VPS53: variants seen among roughly 807,000 people sequenced by gnomAD.
VPS53 encodes VPS53 subunit of GARP complex.
A neutral mutation model predicts 107.0 loss-of-function variants in VPS53; 70 were observed. The observed-to-expected ratio is 0.65, with a 90% confidence interval of 0.54 to 0.80. The LOEUF is 0.80. Among genes scored for constraint, VPS53 ranks in the 30% least tolerant of loss-of-function variants. The probability of loss-of-function intolerance (pLI) is 0.00; values close to 1 mark genes in which losing one functional copy is unlikely to be tolerated. For synonymous variants in VPS53, 409 were observed against 393.3 expected, an observed-to-expected ratio of 1.04 and a Z score of -0.47; for missense variants, 917 against 1,049.4, an observed-to-expected ratio of 0.87 and a Z score of 1.74.
At chr17:572,112 G>A (rs1200592556) in intron 13 of VPS53, among the ~76,000 whole-genome samples, 15 of 148,024 alleles carry the variant, frequency 1.0e-4, no homozygotes, top group African/African-American at 2.3e-4. Flanking sequence ...GCCTCTTCCC[G>A]GCCGCCATCC....
chr17:687,911 T>C (rs1017094628), intron 4 of VPS53, among the ~76,000 whole-genome samples: 3 of 152,168 alleles, frequency 2.0e-5, no homozygotes, highest in Admixed American at 6.5e-5. Context: ...CTCAAGTTTT[T>C]TTCACTTTAC....
At chr17:685,643 C>T (rs1015043825) in intron 4 of VPS53, among the ~76,000 whole-genome samples, 11 of 152,056 alleles carry the variant, frequency 7.2e-5, no homozygotes, top group Admixed American at 3.9e-4. Context: ...TTTCAACTTA[C>T]GATGGGTTTA....
chr17:557,257 C>G (rs576588273), intron 15 of VPS53, among the ~76,000 whole-genome samples: 1 of 152,168 alleles, frequency 6.6e-6, no homozygotes, highest in Non-Finnish European at 1.5e-5. Flanking sequence ...CTGACTCCAG[C>G]CTCTGCCTCC....
In VPS53 at chr17:520,234, C is replaced by T. The variant is rs1410219957; in HGVS notation, c.2224-304G>A. 6.6e-6 allele frequency among the ~76,000 whole-genome samples: 1 copy of T among 152,140 alleles called. No individual in the cohort carries two copies. The highest frequency in any genetic ancestry group is 1.5e-5 in the Non-Finnish European group (1 of 68,018). On this transcript the variant is annotated intron_variant, in intron 20 of 21. Coordinates refer to ENST00000437048, the MANE Select transcript of VPS53 (RefSeq NM_001128159.3). The surrounding 1 kb of genome is among the most constrained non-coding windows in gnomAD (Gnocchi z 4.4). The stretch of plus-strand genomic sequence containing the variant: ...GCGCTGCTGTTTGAAGTATGGGTTT[C>T]CGGGGCCCTCCTCTAAAGACTCTAA...
chr17:607,305 T>A (rs773023035), intron 11 of VPS53, among the ~76,000 whole-genome samples: 1 of 152,142 alleles, frequency 6.6e-6, no homozygotes, highest in African/African-American at 2.4e-5. Flanking sequence ...AAAGGGCCCA[T>A]CAACTTTGCA....
chr17:627,147 C>T, intron 10 of VPS53, 27 bp downstream of exon 10: 2 of 1,601,202 alleles, frequency 1.2e-6, no homozygotes, highest in East Asian at 2.3e-5. Flanking sequence ...TGATTAACCA[C>T]AGAACCAGTA....
At chr17:634,737 A>G (rs200314728) in intron 7 of VPS53, among the ~76,000 whole-genome samples, 2 of 151,764 alleles carry the variant, frequency 1.3e-5, no homozygotes, top group East Asian at 3.9e-4. Context: ...ATCCTTTTTT[A>G]TGGCTGCATA....
In VPS53 at chr17:512,559, G is replaced by A. The variant is rs544363442; in HGVS notation, c.*6569C>T. 2 of 152,354 alleles carry A rather than the reference G, an allele frequency of 1.3e-5. No homozygotes were observed. The highest frequency in any genetic ancestry group is 3.9e-4 in the East Asian group (2 of 5,186). The allele number at this position is 152,354 out of a possible 1,614,324, so 9.4% of individuals were successfully genotyped here. A position where few individuals can be genotyped will look rare whatever the true frequency, so the allele number is the denominator to read the frequency against. On this transcript the variant is annotated 3_prime_UTR_variant, in exon 22 of 22. Transcript: ENST00000437048. ...GGAGCTGGCAGGCAATGCCCTTCCAGGTGGGCTACAGGGAAGGTTCTTTTC... is the reference window on the plus strand; with the variant it reads ...GGAGCTGGCAGGCAATGCCCTTCCAAGTGGGCTACAGGGAAGGTTCTTTTC...
chr17:567,319 T>C (rs755499245), intron 13 of VPS53, among the ~76,000 whole-genome samples: 4 of 152,212 alleles, frequency 2.6e-5, no homozygotes, highest in Admixed American at 1.3e-4. Context: ...GGATGAGAAA[T>C]AAACCAGTTG....
At chr17:695,134 G>C (rs886324765) in intron 4 of VPS53, among the ~76,000 whole-genome samples, 2 of 152,202 alleles carry the variant, frequency 1.3e-5, no homozygotes, top group Admixed American at 1.3e-4. Flanking sequence ...TAAGTCAAGG[G>C]AGACCCCAAA....
At chr17:627,442 G>T in intron 9 of VPS53, 126 bp from the exon 10 acceptor site, 1 of 1,231,780 alleles carries the variant, frequency 8.1e-7, no homozygotes, top group South Asian at 1.7e-5. Flanking sequence ...TGGTTTTAAA[G>T]AATCTAGGCT....
chr17:569,329 C>A (rs1913831875), intron 13 of VPS53, among the ~76,000 whole-genome samples: 1 of 152,138 alleles, frequency 6.6e-6, no homozygotes, highest in Non-Finnish European at 1.5e-5. Context: ...TAGTAATGTA[C>A]CAATGTTAAC....
intron 8 of VPS53, among the ~76,000 whole-genome samples, chr17:629,806 AAACC>A (rs1477877583): frequency 9.2e-4 from 74 of 80,156 alleles, no homozygotes; most frequent in East Asian, 7.9e-3. Flanking sequence ...AACAAAAAAA[AAACC>A]ACACACACAC....
At chr17:655,077 T>C in intron 6 of VPS53, among the ~76,000 whole-genome samples, 1 of 152,190 alleles carries the variant, frequency 6.6e-6, no homozygotes, top group Non-Finnish European at 1.5e-5. Flanking sequence ...CTTTGAATGC[T>C]GCATCTCAGT....
intron 13 of VPS53, among the ~76,000 whole-genome samples, chr17:572,199 C>A (rs1422246329): frequency 6.6e-6 from 1 of 151,546 alleles, no homozygotes; most frequent in African/African-American, 2.4e-5. Context: ...CCCGCCGCCC[C>A]GTCTGGGATG....
intron 7 of VPS53, chr17:632,961 T>G (rs995943340): frequency 2.8e-6 from 1 of 354,800 alleles, no homozygotes; most frequent in South Asian, 2.2e-5. Flanking sequence ...TGATCACTAG[T>G]GAGGGCCACT....
At position 592,479 on chromosome 17, in the gene VPS53, G is replaced by A. The variant is rs547762061; in HGVS notation, c.1219-6115C>T. On this transcript the variant is annotated intron_variant, in intron 12 of 21. Transcript: ENST00000437048. ...GCTCGTTAGTTGATGCAGTTTCTTC[G>A]TAGTCTTGATGGTCTTTACATTTTG... 1.5e-3 allele frequency among the ~76,000 whole-genome samples: 230 copies of A among 152,182 alleles called. 1 individual carries two copies. The highest frequency in any genetic ancestry group is 4.5e-3 in the African/African-American group (188 of 41,510).
At chr17:550,438 A>C (rs114639634) in intron 17 of VPS53, among the ~76,000 whole-genome samples, 336 of 152,342 alleles carry the variant, frequency 2.2e-3, no homozygotes, top group African/African-American at 7.7e-3. Flanking sequence ...TCTCTGTTGC[A>C]ATGGCTCAAT....
At chr17:566,633 A>G (rs1456823076) in intron 13 of VPS53, among the ~76,000 whole-genome samples, 1 of 152,154 alleles carries the variant, frequency 6.6e-6, no homozygotes, top group Non-Finnish European at 1.5e-5. Flanking sequence ...ACAGAAGGCA[A>G]AAGATTCCCC....
Sources: gnomAD v4.1 joint callset for allele counts (sites outside exome capture counted in the v4.1 genomes callset) on GRCh38, gnomAD v4.1.1 for gene constraint, Gnocchi (gnomAD v3.1) non-coding constraint, MANE v1.5 for transcripts, NCBI Gene and HGNC (gene_info 2026-07-23, HGNC 2026-07-21) for gene names.